The following CFAP43 variants were observed in gnomAD, a reference collection of about 807,000 sequenced individuals.
CFAP43 encodes cilia- and flagella-associated protein 43.
A neutral mutation model predicts 218.9 loss-of-function variants in CFAP43; 155 were observed. That is an observed-to-expected ratio of 0.71 (90% CI 0.62 to 0.81). The LOEUF is 0.81. Among genes scored for constraint, CFAP43 ranks in the 30% least tolerant of loss-of-function variants. The probability of loss-of-function intolerance (pLI) is 0.00; values close to 1 mark genes in which losing one functional copy is unlikely to be tolerated. For synonymous variants in CFAP43, 645 were observed against 681.3 expected, an observed-to-expected ratio of 0.95 and a Z score of 0.83; for missense variants, 1,778 against 1,954.3, an observed-to-expected ratio of 0.91 and a Z score of 1.70.
At chr10:104,195,272 T>C (rs2090351716) in intron 10 of CFAP43, among the ~76,000 whole-genome samples, 1 of 152,186 alleles carries the variant, frequency 6.6e-6, no homozygotes, top group Non-Finnish European at 1.5e-5. Flanking sequence ...TAATGGTACC[T>C]GTATCCCTCC....
rs1319132403 is a variant in CFAP43 at position 104,177,602 on chromosome 10, G to A, written c.2460+1427C>T. ...GAGTGCATTGCTACTGTCCATAAAG[G>A]CCAGCCTCTTGGGGCTCAAAGAAGA... On this transcript the variant is annotated intron_variant, in intron 19 of 37. Transcript: ENST00000357060. Among the ~76,000 whole-genome samples the A allele has an allele frequency of 2.6e-5, 4 of 152,282 alleles. No homozygotes were observed. In the East Asian group the frequency reaches 7.7e-4, roughly 29 times the overall value.
chr10:104,197,002 C>T (rs1460879249), intron 9 of CFAP43, 69 bp from the exon 10 acceptor site: 1 of 1,235,910 alleles, frequency 8.1e-7, no homozygotes, highest in Non-Finnish European at 1.2e-6. Flanking sequence ...TGTTCTACCT[C>T]CCTTTCCAGT....
At chr10:104,212,310 T>C (rs762182270) in intron 4 of CFAP43, among the ~76,000 whole-genome samples, 153 bp from the exon 5 acceptor site, 1 of 152,188 alleles carries the variant, frequency 6.6e-6, no homozygotes, top group Non-Finnish European at 1.5e-5. Flanking sequence ...TAAAAATATA[T>C]AACAGGTTGT....
At chr10:104,210,822 G>A (rs1462049303) in intron 5 of CFAP43, among the ~76,000 whole-genome samples, 5 of 108,728 alleles carry the variant, frequency 4.6e-5, no homozygotes, top group East Asian at 5.4e-4. Flanking sequence ...ACGGAGTCTC[G>A]CTCTGTCGCC....
intron 2 of CFAP43, 73 bp downstream of exon 2, chr10:104,230,517 C>T (rs2091421625): frequency 6.6e-7 from 1 of 1,516,560 alleles, no homozygotes; most frequent in African/African-American, 1.4e-5. Context: ...TAAATCTTCA[C>T]TTATAATAGA....
chr10:104,187,806 C>T (rs190179925), intron 13 of CFAP43, among the ~76,000 whole-genome samples: 9 of 152,268 alleles, frequency 5.9e-5, no homozygotes, highest in Admixed American at 4.6e-4. Flanking sequence ...TGGAGGTTGT[C>T]GGCTCTCTTC....
At position 104,186,117 on chromosome 10, in the gene CFAP43, T is replaced by C. The variant is rs2134891120; in HGVS notation, c.1867A>G (p.Thr623Ala). 3 of 1,511,538 alleles carry C rather than the reference T, an allele frequency of 2.0e-6. No homozygotes were observed. Among genetic ancestry groups the C allele is most frequent in the East Asian group, 2.4e-5 (1 of 41,120 alleles). 93.6% of individuals were successfully genotyped at this position (1,511,538 alleles called of 1,614,324 possible). A position where few individuals can be genotyped will look rare whatever the true frequency, so the allele number is the denominator to read the frequency against. Residue 623 changes from threonine (T) to alanine (A), a missense_variant, in exon 15 of 38, where the codon ACC (threonine) becomes GCC (alanine). This residue lies in a region of CFAP43 where 1,553 missense variants were observed against 1,685.2 expected (regional missense o/e 0.92). Transcript: ENST00000357060. ...CSYLLPEEEH[T>A]GIYILKPYKK... ...TATGGTTTAAGAATGTAGATACCGG[T>C]ATGTTCCTGCCAATCAAAGAAAATA...
chr10:104,147,863 G>T, intron 29 of CFAP43, 28 bp downstream of exon 29: 1 of 1,500,496 alleles, frequency 6.7e-7, no homozygotes, highest in Non-Finnish European at 9.1e-7. Context: ...GAAAATGCTT[G>T]TATTCAGATT....
chr10:104,179,643 A>G (rs1403832326), intron 18 of CFAP43, among the ~76,000 whole-genome samples, 197 bp downstream of exon 18: 3 of 152,202 alleles, frequency 2.0e-5, no homozygotes, highest in African/African-American at 7.2e-5. Context: ...TAAAGCTCAT[A>G]TAACTTGATC....
At chr10:104,226,094 C>T (rs2091298242) in intron 2 of CFAP43, among the ~76,000 whole-genome samples, 2 of 152,192 alleles carry the variant, frequency 1.3e-5, no homozygotes, top group African/African-American at 4.8e-5. Context: ...TTAGCAACAA[C>T]ATGTTTTAAA....
chr10:104,166,723 A>C lies in CFAP43; in HGVS notation c.2809-5T>G, dbSNP rs367550985. On this transcript the variant is annotated splice_polypyrimidine_tract_variant and splice_region_variant and intron_variant, in intron 22 of 37. Transcript: ENST00000357060. Reference sequence around the variant, plus strand: ...CTCTACAATTTCCTTCCGTAGCTACATGTAGAAAAAGATGACACAGAAGTT... The same window carrying C: ...CTCTACAATTTCCTTCCGTAGCTACCTGTAGAAAAAGATGACACAGAAGTT... The C allele has an allele frequency of 6.3e-7, 1 of 1,594,470 alleles. No homozygotes were observed. The highest frequency in any genetic ancestry group is 1.3e-5 in the African/African-American group (1 of 74,082).
At chr10:104,180,216 C>CCCT (rs1423337116) in intron 17 of CFAP43, among the ~76,000 whole-genome samples, 2 of 152,198 alleles carry the variant, frequency 1.3e-5, no homozygotes, top group African/African-American at 4.8e-5. Flanking sequence ...CCCAAATGTT[C>CCCT]CTGCCCATCA....
intron 8 of CFAP43, 124 bp downstream of exon 8, chr10:104,203,548 C>T: frequency 1.1e-6 from 1 of 904,922 alleles, no homozygotes; most frequent in South Asian, 3.4e-5. Flanking sequence ...TTTTCATTTA[C>T]AACCTAGAGT....
intron 19 of CFAP43, among the ~76,000 whole-genome samples, chr10:104,177,161 T>C (rs754904211): frequency 6.6e-6 from 1 of 151,742 alleles, no homozygotes; most frequent in Non-Finnish European, 1.5e-5. Flanking sequence ...GTCTAGCACA[T>C]GGAAGAAGAA....
chr10:104,177,180 G>C (rs1477843410), intron 19 of CFAP43, among the ~76,000 whole-genome samples: 1 of 152,090 alleles, frequency 6.6e-6, no homozygotes, highest in Non-Finnish European at 1.5e-5. Flanking sequence ...AAAACACCTA[G>C]GGTCCTGGTA....
chr10:104,175,779 C>A (rs1011688574), intron 19 of CFAP43, among the ~76,000 whole-genome samples: 1 of 152,124 alleles, frequency 6.6e-6, no homozygotes, highest in Non-Finnish European at 1.5e-5. Context: ...ACTGAATGTG[C>A]GTTGCTTTTG....
At position 104,132,106 on chromosome 10, in the gene CFAP43, T is replaced by C; in HGVS notation, c.4677+10A>G. The C allele has an allele frequency of 6.3e-7, 1 of 1,583,076 alleles. No individual in the cohort carries two copies. Among genetic ancestry groups the C allele is most frequent in the Non-Finnish European group, 8.6e-7 (1 of 1,164,276 alleles). ...GTTAGGATATAATAACCAACGTCTT[T>C]GAGACTTACCTTATCTAAAACAGCA... On this transcript the variant is annotated intron_variant, in intron 36 of 37. Transcript: ENST00000357060.
chr10:104,222,008 T>C (rs188393990), intron 3 of CFAP43, among the ~76,000 whole-genome samples: 221 of 152,328 alleles, frequency 1.5e-3, no homozygotes, highest in Non-Finnish European at 2.6e-3. Context: ...CCACCTACTT[T>C]AGATTCTTTT....
At chr10:104,199,456 G>A (rs1427886818) in intron 8 of CFAP43, among the ~76,000 whole-genome samples, 2 of 152,130 alleles carry the variant, frequency 1.3e-5, no homozygotes, top group Non-Finnish European at 1.5e-5. Context: ...GATACACAGC[G>A]CCAGTCACTG....
Sources: gnomAD v4.1 joint callset for allele counts (sites outside exome capture counted in the v4.1 genomes callset) on GRCh38, gnomAD v4.1.1 for gene constraint, gnomAD v4.1.1 regional missense constraint, MANE v1.5 for transcripts, NCBI Gene and HGNC (gene_info 2026-07-23, HGNC 2026-07-21) for gene names.